MAMDC2: variants seen among roughly 807,000 people sequenced by gnomAD.
The protein encoded by MAMDC2 is MAM domain containing 2, also known as MAM domain-containing protein 2.
A neutral mutation model predicts 89.8 loss-of-function variants in MAMDC2; 57 were observed. The observed-to-expected ratio is 0.63, with a 90% CI of 0.51 to 0.79. MAMDC2 has a LOEUF of 0.79. Ranked by LOEUF, MAMDC2 falls within the 30% of genes least tolerant of loss-of-function variation. The probability of loss-of-function intolerance (pLI) is 0.00; values close to 1 mark genes in which losing one functional copy is unlikely to be tolerated. For missense variants in MAMDC2, 800 were observed against 820.6 expected (o/e 0.97, Z 0.31); for synonymous variants, 313 against 293.4 (o/e 1.07, Z -0.68).
rs535129545 is a variant in MAMDC2 at position 70,044,470 on chromosome 9, C to T, written c.35-114C>T. The T allele has an allele frequency of 2.1e-3, 1,962 of 919,410 alleles. 7 individuals carry two copies. The highest frequency in any genetic ancestry group is 2.7e-3 in the Non-Finnish European group (1,636 of 598,740). 57.0% of individuals were successfully genotyped at this position (919,410 alleles called of 1,614,324 possible). On this transcript the variant is annotated intron_variant, in intron 1 of 13. Coordinates refer to ENST00000377182, the MANE Select transcript of MAMDC2 (RefSeq NM_153267.5). Reference sequence around the variant, plus strand: ...GGACAGGTACTGCATCCCTCTCCCGCCCCCTCCCGCTCGTCTTTCCCCCAC... The same window carrying T: ...GGACAGGTACTGCATCCCTCTCCCGTCCCCTCCCGCTCGTCTTTCCCCCAC...
intron 11 of MAMDC2, chr9:70,170,955 G>A (rs978281599): frequency 1.5e-5 from 4 of 273,372 alleles, no homozygotes; most frequent in Middle Eastern, 9.7e-4. Flanking sequence ...AGCCAGGGCC[G>A]AGGCCTAATA....
At chr9:70,107,919 G>T (rs980897898) in intron 2 of MAMDC2, among the ~76,000 whole-genome samples, 9 of 152,210 alleles carry the variant, frequency 5.9e-5, no homozygotes, top group African/African-American at 2.2e-4. Context: ...CACTCAGTGT[G>T]AGGAGTGAAG....
At chr9:70,077,866 C>G (rs2118113925) in intron 2 of MAMDC2, among the ~76,000 whole-genome samples, 1 of 152,262 alleles carries the variant, frequency 6.6e-6, no homozygotes, top group Non-Finnish European at 1.5e-5. Context: ...CCAGGAGAGG[C>G]AAGCTAGTAT....
intron 12 of MAMDC2, among the ~76,000 whole-genome samples, chr9:70,221,663 GATAA>G (rs1327281021): frequency 2.6e-5 from 4 of 151,804 alleles, no homozygotes; most frequent in African/African-American, 7.3e-5. Context: ...ACAAAAAAGT[GATAA>G]ATAAGTGAGG....
At position 70,170,166 on chromosome 9, in the gene MAMDC2, T is replaced by A. The variant is rs566432933; in HGVS notation, c.1499-313T>A. 4 of 293,332 alleles carry A rather than the reference T, an allele frequency of 1.4e-5. No individual in the cohort carries two copies. In the South Asian group the frequency reaches 6.3e-4, roughly 46 times the overall value. 18.2% of individuals were successfully genotyped at this position (293,332 alleles called of 1,614,324 possible). ...TTTCCATATTTTCATAAAGGCAATA[T>A]ACCTATAATTTCCAGAGCTTTATAA... On this transcript the variant is annotated intron_variant, in intron 10 of 13. Transcript: ENST00000377182.
chr9:70,153,515 G>A (rs1183146357), intron 9 of MAMDC2: 2 of 152,236 alleles, frequency 1.3e-5, no homozygotes, highest in South Asian at 2.1e-4. Flanking sequence ...AACAAAGATC[G>A]TTCAGTGGTC....
At chr9:70,208,090 G>A (rs1161357821) in intron 11 of MAMDC2, among the ~76,000 whole-genome samples, 1 of 152,080 alleles carries the variant, frequency 6.6e-6, no homozygotes, top group Non-Finnish European at 1.5e-5. Context: ...TGTTCTTTTG[G>A]CTTAGGATTG....
intron 12 of MAMDC2, 38 bp downstream of exon 12, chr9:70,218,634 G>A (rs561382076): frequency 1.1e-5 from 17 of 1,533,652 alleles, no homozygotes; most frequent in East Asian, 2.3e-5. Flanking sequence ...AATGGAAAAC[G>A]TGTAGGAGCT....
At chr9:70,180,321 CAT>C (rs1231649797) in intron 11 of MAMDC2, among the ~76,000 whole-genome samples, 2 of 152,186 alleles carry the variant, frequency 1.3e-5, no homozygotes, top group South Asian at 2.1e-4. Context: ...CTGCAGTAAA[CAT>C]ATGTGTGCAT....
chr9:70,205,251 C>A (rs970444307), intron 11 of MAMDC2, among the ~76,000 whole-genome samples: 1 of 152,158 alleles, frequency 6.6e-6, no homozygotes, highest in Admixed American at 6.6e-5. Context: ...ATTGTGTAAC[C>A]ATCACCACCA....
At chr9:70,084,841 T>C (rs1473589789) in intron 2 of MAMDC2, among the ~76,000 whole-genome samples, 1 of 151,710 alleles carries the variant, frequency 6.6e-6, no homozygotes, top group African/African-American at 2.4e-5. Flanking sequence ...CTGGTAACAG[T>C]ACGTGGCCAG....
intron 2 of MAMDC2, among the ~76,000 whole-genome samples, chr9:70,056,315 A>G (rs1827024176): frequency 6.6e-6 from 1 of 152,228 alleles, no homozygotes; most frequent in African/African-American, 2.4e-5. Context: ...TTGATCCTAT[A>G]TTAGCCAACT....
intron 4 of MAMDC2, among the ~76,000 whole-genome samples, chr9:70,111,669 G>C (rs1348285264): frequency 6.6e-6 from 1 of 152,198 alleles, no homozygotes; most frequent in African/African-American, 2.4e-5. Context: ...GAAAATCTTA[G>C]AAATGTTCAG....
At chr9:70,076,313 C>G (rs1350669883) in intron 2 of MAMDC2, among the ~76,000 whole-genome samples, 1 of 151,680 alleles carries the variant, frequency 6.6e-6, no homozygotes, top group Non-Finnish European at 1.5e-5. Context: ...TTCAGCTACT[C>G]AGGAGACTGA....
At position 70,044,075 on chromosome 9, in the gene MAMDC2, C is replaced by T; in HGVS notation, c.-123C>T. ...AGCTCAGAGCGCAAGCTTTGCCTCT[C>T]GACTTCTCCCTCCTTGGGTCCCCGG... On this transcript the variant is annotated 5_prime_UTR_variant, in exon 1 of 14. Transcript: ENST00000377182. 1 of 1,180,894 alleles carries T rather than the reference C, an allele frequency of 8.5e-7. No individual in the cohort carries two copies. The highest frequency in any genetic ancestry group is 1.5e-5 in the African/African-American group (1 of 66,416). The allele number at this position is 1,180,894 out of a possible 1,614,324, so 73.2% of individuals were successfully genotyped here. A position where few individuals can be genotyped will look rare whatever the true frequency, so the allele number is the denominator to read the frequency against.
rs1563972500 is a variant in MAMDC2 at position 70,141,914 on chromosome 9, C to T, written c.1138+1626C>T. Among the ~76,000 whole-genome samples the T allele has an allele frequency of 4.6e-5, 7 of 152,254 alleles. No individual in the cohort carries two copies. In the South Asian group the frequency reaches 1.2e-3, roughly 27 times the overall value. On this transcript the variant is annotated intron_variant, in intron 8 of 13. Transcript: ENST00000377182. ...AGTCTTTAGGGACAGAATGTTCCTC[C>T]CTTTCTGGGACAGGGAGAACACCTT...
intron 2 of MAMDC2, among the ~76,000 whole-genome samples, chr9:70,072,764 A>C (rs1827437564): frequency 6.6e-6 from 1 of 152,076 alleles, no homozygotes; most frequent in Non-Finnish European, 1.5e-5. Context: ...AGGTTAAGAC[A>C]AAAAAAAGTA....
chr9:70,082,552 G>C (rs1827677027), intron 2 of MAMDC2: 3 of 152,122 alleles, frequency 2.0e-5, no homozygotes, highest in African/African-American at 7.2e-5. Context: ...ATTGTTCCTA[G>C]TTTGGAGTGC....
In MAMDC2 at chr9:70,044,019, C is replaced by G. The variant is rs1474064937; in HGVS notation, c.-179C>G. The stretch of plus-strand genomic sequence containing the variant: ...TTCGAGCACCTTCCAGCATACCGCT[C>G]GGCTCCGGGAGCCGCTCTGCAAAGT... On this transcript the variant is annotated 5_prime_UTR_variant, in exon 1 of 14. Coordinates refer to ENST00000377182, the MANE Select transcript of MAMDC2 (RefSeq NM_153267.5). The G allele has an allele frequency of 1.5e-6, 1 of 681,960 alleles. No individual in the cohort carries two copies. The highest frequency in any genetic ancestry group is 2.6e-5 in the Admixed American group (1 of 38,606). The allele number at this position is 681,960 out of a possible 1,614,324, so 42.2% of individuals were successfully genotyped here.
Sources: allele counts gnomAD v4.1 joint callset (sites outside exome capture counted in the v4.1 genomes callset), GRCh38; gene constraint gnomAD v4.1.1; transcripts MANE v1.5; gene names NCBI Gene and HGNC (gene_info 2026-07-23, HGNC 2026-07-21).